Variants in RAP1GDS1 observed in about 807,000 individuals in gnomAD.
The protein encoded by RAP1GDS1 is RAP1, GTP-GDP dissociation stimulator 1.
Under a neutral mutation model 71.1 loss-of-function variants are expected in RAP1GDS1, and 35 were observed. That is an observed-to-expected ratio of 0.49 (90% CI 0.38 to 0.65). The LOEUF (loss-of-function observed/expected upper bound fraction) is 0.65. Ranked by LOEUF, RAP1GDS1 falls within the 30% of genes least tolerant of loss-of-function variation. The pLI is 0.00. For missense variants in RAP1GDS1, 663 were observed against 706.1 expected, an observed-to-expected ratio of 0.94 and a Z score of 0.69; for synonymous variants, 229 against 243.1, an observed-to-expected ratio of 0.94 and a Z score of 0.54.
chr4:98,311,923 G>A (rs923887242), intron 2 of RAP1GDS1, among the ~76,000 whole-genome samples: 2 of 152,230 alleles, frequency 1.3e-5, no homozygotes, highest in African/African-American at 4.8e-5. Context: ...GCAGGCATGA[G>A]CCACTGCAGT....
intron 2 of RAP1GDS1, among the ~76,000 whole-genome samples, chr4:98,322,419 C>T (rs867946891): frequency 0.11 from 13,083 of 117,270 alleles, 1,078 homozygotes; most frequent in African/African-American, 0.24. Flanking sequence ...ACCAAGCAGA[C>T]CTAATAGACA....
At chr4:98,358,081 A>T (rs541643006) in intron 4 of RAP1GDS1, among the ~76,000 whole-genome samples, 3 of 152,162 alleles carry the variant, frequency 2.0e-5, no homozygotes, top group South Asian at 4.1e-4. Context: ...TTGGCAGCCT[A>T]TGTGAAAAAA....
chr4:98,344,781 G>A (rs567902221), intron 3 of RAP1GDS1, among the ~76,000 whole-genome samples: 1 of 152,250 alleles, frequency 6.6e-6, no homozygotes, highest in South Asian at 2.1e-4. Flanking sequence ...ACTTTTTTAA[G>A]TGATTGGCTG....
At position 98,336,245 on chromosome 4, in the gene RAP1GDS1, A is replaced by G. The variant is rs116416345; in HGVS notation, c.113-6894A>G. Among the ~76,000 whole-genome samples, 1,136 of 152,298 alleles carry G rather than the reference A, an allele frequency of 7.5e-3. 6 individuals carry two copies. The highest frequency in any genetic ancestry group is 0.013 in the Non-Finnish European group (886 of 68,002). On this transcript the variant is annotated intron_variant, in intron 2 of 14. Transcript: ENST00000408927. ...TAGTTATATACTCTGCTTATACCACAGTCATTAACACATTTCCTCATGGTG... is the reference window on the plus strand; with the variant it reads ...TAGTTATATACTCTGCTTATACCACGGTCATTAACACATTTCCTCATGGTG...
Position 98,309,152 on chromosome 4 carries a change from G to T in RAP1GDS1, c.112+15637G>T, listed in dbSNP as rs182691282. ...GGTGTTTCAAGATTTAATAATATAT[G>T]AATAGAAATTTTTAATAAATTAGAA... On this transcript the variant is annotated intron_variant, in intron 2 of 14. Coordinates refer to ENST00000408927, the MANE Select transcript of RAP1GDS1 (RefSeq NM_001100427.2). Among the ~76,000 whole-genome samples, 20 of 152,064 alleles carry T rather than the reference G, an allele frequency of 1.3e-4. No individual in the cohort carries two copies. The South Asian group carries it at 3.9e-3, about 30-fold the overall frequency.
intron 2 of RAP1GDS1, among the ~76,000 whole-genome samples, chr4:98,309,845 G>GGT (rs1352455703): frequency 1.1e-4 from 17 of 151,460 alleles, no homozygotes; most frequent in Admixed American, 1.1e-3. Flanking sequence ...TTTTTAGTAA[G>GGT]GTAGGGTTCA....
intron 3 of RAP1GDS1, among the ~76,000 whole-genome samples, chr4:98,350,318 A>G (rs1041027578): frequency 3.3e-5 from 5 of 152,222 alleles, no homozygotes; most frequent in Non-Finnish European, 7.4e-5. Flanking sequence ...TTAGTAGTCA[A>G]TGAAATCATC....
chr4:98,426,292 A>G (rs1749602479), intron 12 of RAP1GDS1, among the ~76,000 whole-genome samples: 1 of 152,134 alleles, frequency 6.6e-6, no homozygotes, highest in Admixed American at 6.5e-5. Flanking sequence ...CAAAGAGACA[A>G]TCTAAGGTCA....
At chr4:98,359,325 A>C (rs1437177981) in intron 4 of RAP1GDS1, among the ~76,000 whole-genome samples, 2 of 152,216 alleles carry the variant, frequency 1.3e-5, no homozygotes, top group Non-Finnish European at 2.9e-5. Context: ...TTATGAACTC[A>C]AGTAAACAGG....
chr4:98,424,110 T>C (rs966453646), intron 12 of RAP1GDS1, among the ~76,000 whole-genome samples: 7 of 151,948 alleles, frequency 4.6e-5, no homozygotes, highest in Non-Finnish European at 1.0e-4. Flanking sequence ...AAGGAGGAGG[T>C]AGTTTTAGAG....
intron 1 of RAP1GDS1, among the ~76,000 whole-genome samples, chr4:98,269,173 CAAAAAAAAAAAAAA>C (rs56015226): frequency 1.2e-4 from 7 of 56,882 alleles, no homozygotes; most frequent in Non-Finnish European, 2.3e-4. Flanking sequence ...AATTGATCTT[CAAAAAAAAAAAAAA>C]AAAAAAAAGC....
rs192881147 is a variant in RAP1GDS1, at chr4:98,381,922, A to G, written c.508+2759A>G. ...ATTTTCAAATTATTTATTAGTCTCAAAATTGAAACTTAGAATGTCTTGATT... is the reference window on the plus strand; with the variant it reads ...ATTTTCAAATTATTTATTAGTCTCAGAATTGAAACTTAGAATGTCTTGATT... On this transcript the variant is annotated intron_variant, in intron 5 of 14. Transcript: ENST00000408927. 8.7e-3 allele frequency among the ~76,000 whole-genome samples: 1,313 copies of G among 151,708 alleles called. 13 individuals carry two copies. Among genetic ancestry groups the G allele is most frequent in the South Asian group, 0.012 (59 of 4,826 alleles).
chr4:98,346,328 T>C (rs188420987), intron 3 of RAP1GDS1, among the ~76,000 whole-genome samples: 1 of 152,266 alleles, frequency 6.6e-6, no homozygotes, highest in East Asian at 1.9e-4. Context: ...TAACCAGAAA[T>C]ACAGAAGTCT....
intron 13 of RAP1GDS1, 76 bp from the exon 14 acceptor site, chr4:98,436,864 T>G (rs1751210657): frequency 2.2e-6 from 3 of 1,379,278 alleles, no homozygotes; most frequent in South Asian, 2.0e-5. Flanking sequence ...TATGGTCAAT[T>G]TCTTCAAAAT....
At chr4:98,398,952 C>T (rs1744954971) in intron 6 of RAP1GDS1, among the ~76,000 whole-genome samples, 1 of 152,128 alleles carries the variant, frequency 6.6e-6, no homozygotes, top group Non-Finnish European at 1.5e-5. Flanking sequence ...ACATCCCATG[C>T]TTATGGATTG....
intron 2 of RAP1GDS1, among the ~76,000 whole-genome samples, chr4:98,331,868 C>A (rs1029844552): frequency 6.6e-6 from 1 of 152,170 alleles, no homozygotes; most frequent in Non-Finnish European, 1.5e-5. Flanking sequence ...GCACAGGTCA[C>A]TGTGAAATCA....
intron 2 of RAP1GDS1, among the ~76,000 whole-genome samples, chr4:98,331,029 A>T (rs1733928325): frequency 6.6e-6 from 1 of 152,050 alleles, no homozygotes; most frequent in African/African-American, 2.4e-5. Context: ...AGTGAGCGAG[A>T]CTCCGTCTGC....
chr4:98,404,930 C>G (rs1745913175), intron 7 of RAP1GDS1, among the ~76,000 whole-genome samples: 2 of 152,148 alleles, frequency 1.3e-5, no homozygotes, highest in Admixed American at 6.6e-5. Context: ...AAGTTGGAGT[C>G]TCAGGCCTGC....
At chr4:98,429,015 A>G (rs1358097531) in intron 12 of RAP1GDS1, among the ~76,000 whole-genome samples, 2 of 152,046 alleles carry the variant, frequency 1.3e-5, no homozygotes, top group South Asian at 2.1e-4. Context: ...TCCCAACACT[A>G]TGGGAGGACG....
Sources: gnomAD v4.1 joint callset for allele counts (sites outside exome capture counted in the v4.1 genomes callset) on GRCh38, gnomAD v4.1.1 for gene constraint, MANE v1.5 for transcripts, NCBI Gene and HGNC (gene_info 2026-07-23, HGNC 2026-07-21) for gene names.